STX8: variants seen among roughly 807,000 people sequenced by gnomAD.
STX8 encodes the protein syntaxin 8.
Under a neutral mutation model 37.5 loss-of-function variants are expected in STX8, and 23 were observed. The observed-to-expected ratio is 0.61, with a 90% CI of 0.44 to 0.87. STX8 has a LOEUF of 0.87. Ranked by LOEUF, STX8 falls within the 40% of genes least tolerant of loss-of-function variation. STX8 has a pLI of 0.00. For synonymous variants in STX8, 115 were observed against 99.1 expected (o/e 1.16, Z -0.95); for missense variants, 313 against 284.7 (o/e 1.10, Z -0.71).
chr17:9,255,583 T>TAAATGA (rs1906765273), intron 7 of STX8, among the ~76,000 whole-genome samples: 1 of 148,096 alleles, frequency 6.8e-6, no homozygotes, highest in South Asian at 2.2e-4. Flanking sequence ...AATAAATAAA[T>TAAATGA]AAATGAAAAT....
rs554102431 is a variant in STX8, at chr17:9,370,786, C to A, written c.643+7766G>T. The stretch of plus-strand genomic sequence containing the variant: ...GCTCTATTTTGAATTCTAATGAGGA[C>A]CAAGCACACTGAATATTTAAACTGC... On this transcript the variant is annotated intron_variant, in intron 7 of 7. Coordinates refer to ENST00000306357, the MANE Select transcript of STX8 (RefSeq NM_004853.3). 3.2e-4 allele frequency among the ~76,000 whole-genome samples: 48 copies of A among 152,202 alleles called. No individual in the cohort carries two copies. In the South Asian group the frequency reaches 5.2e-3, roughly 16 times the overall value.
intron 4 of STX8, among the ~76,000 whole-genome samples, chr17:9,525,983 G>A (rs1905553058): frequency 3.3e-5 from 5 of 152,172 alleles, no homozygotes; most frequent in Admixed American, 3.3e-4. Flanking sequence ...CAAATCCTTT[G>A]CTCCTTCCAC....
intron 6 of STX8, among the ~76,000 whole-genome samples, chr17:9,452,930 C>G (rs1207947896): frequency 1.3e-5 from 2 of 152,004 alleles, no homozygotes; most frequent in Non-Finnish European, 1.5e-5. Flanking sequence ...CTCAACCTCC[C>G]CAGTAGCTGG....
chr17:9,571,914 C>T (rs887757809), intron 1 of STX8, among the ~76,000 whole-genome samples: 4 of 145,580 alleles, frequency 2.7e-5, no homozygotes, highest in African/African-American at 1.0e-4. Context: ...GACTCCATCT[C>T]AAAATTAAAA....
At chr17:9,443,500 GCTT>G (rs1254507789) in intron 6 of STX8, among the ~76,000 whole-genome samples, 1 of 152,078 alleles carries the variant, frequency 6.6e-6, no homozygotes, top group Non-Finnish European at 1.5e-5. Context: ...CCTAATAACT[GCTT>G]CTTAACAAAG....
At chr17:9,420,237 C>T (rs1035008764) in intron 6 of STX8, among the ~76,000 whole-genome samples, 1 of 152,172 alleles carries the variant, frequency 6.6e-6, no homozygotes, top group African/African-American at 2.4e-5. Context: ...CAACATCGGC[C>T]GCCAGGGACT....
intron 6 of STX8, among the ~76,000 whole-genome samples, chr17:9,481,504 C>T (rs1906343590): frequency 6.6e-6 from 1 of 152,220 alleles, no homozygotes; most frequent in African/African-American, 2.4e-5. Context: ...AGCTCACAGG[C>T]TGGAGGGCAT....
chr17:9,378,345 A>C, intron 7 of STX8: 2 of 498,718 alleles, frequency 4.0e-6, no homozygotes, highest in Non-Finnish European at 7.3e-6. Flanking sequence ...CAACAACAAA[A>C]AAACAATGAA....
chr17:9,441,091 G>A (rs762072735), intron 6 of STX8, among the ~76,000 whole-genome samples: 16 of 152,224 alleles, frequency 1.1e-4, no homozygotes, highest in Non-Finnish European at 1.9e-4. Flanking sequence ...AATGAGAGGC[G>A]TGAAGATGTA....
chr17:9,287,952 G>T (rs1195157238), intron 7 of STX8, among the ~76,000 whole-genome samples: 1 of 151,670 alleles, frequency 6.6e-6, no homozygotes, highest in African/African-American at 2.4e-5. Flanking sequence ...GTTTCACCAT[G>T]TTGGCCAGGA....
At chr17:9,388,140 C>G (rs1356091400) in intron 6 of STX8, among the ~76,000 whole-genome samples, 1 of 146,710 alleles carries the variant, frequency 6.8e-6, no homozygotes, top group Non-Finnish European at 1.5e-5. Flanking sequence ...GGTGTGATCT[C>G]GGCTCACTGC....
At chr17:9,418,516 T>TAAA (rs71361891) in intron 6 of STX8, among the ~76,000 whole-genome samples, 4 of 114,958 alleles carry the variant, frequency 3.5e-5, no homozygotes, top group Non-Finnish European at 5.3e-5. Context: ...TCCGTTTTTC[T>TAAA]AAAAAAAAAA....
chr17:9,468,652 G>C (rs561118420), intron 6 of STX8, among the ~76,000 whole-genome samples: 1 of 152,296 alleles, frequency 6.6e-6, no homozygotes, highest in East Asian at 1.9e-4. Flanking sequence ...TCAGCTGCTG[G>C]GAGTGCTCTT....
chr17:9,410,557 T>G (rs929387792), intron 6 of STX8, among the ~76,000 whole-genome samples: 2 of 152,220 alleles, frequency 1.3e-5, no homozygotes, highest in African/African-American at 4.8e-5. Flanking sequence ...AGAAGCCATC[T>G]GAAAAGCTAC....
chr17:9,263,867 C>T (rs908363598), intron 7 of STX8, among the ~76,000 whole-genome samples: 2 of 152,214 alleles, frequency 1.3e-5, no homozygotes, highest in Admixed American at 6.5e-5. Context: ...TGACATTGCT[C>T]TCATCAAGAG....
intron 6 of STX8, chr17:9,452,450 C>T (rs1298352932): frequency 3.3e-5 from 5 of 152,156 alleles, no homozygotes; most frequent in African/African-American, 1.2e-4. Flanking sequence ...AACTATGATA[C>T]AGCCTGTGAG....
intron 7 of STX8, among the ~76,000 whole-genome samples, chr17:9,375,189 T>C (rs1285003468): frequency 1.3e-5 from 2 of 151,940 alleles, no homozygotes; most frequent in Admixed American, 6.6e-5. Context: ...TATATACATA[T>C]ATAATTAAAT....
chr17:9,562,323 G>A (rs1273381860), intron 2 of STX8, among the ~76,000 whole-genome samples: 1 of 151,642 alleles, frequency 6.6e-6, no homozygotes, highest in African/African-American at 2.4e-5. Context: ...GGAGAATGGC[G>A]TGAACCCGGG....
At chr17:9,286,862 G>A (rs1182110321) in intron 7 of STX8, among the ~76,000 whole-genome samples, 1 of 152,082 alleles carries the variant, frequency 6.6e-6, no homozygotes, top group Non-Finnish European at 1.5e-5. Context: ...GGTGTACCTG[G>A]GTTCGAGCTG....
Sources: gnomAD v4.1 joint callset for allele counts (sites outside exome capture counted in the v4.1 genomes callset) on GRCh38, gnomAD v4.1.1 for gene constraint, MANE v1.5 for transcripts, NCBI Gene and HGNC (gene_info 2026-07-23, HGNC 2026-07-21) for gene names.